CNTNAP2: variants seen among roughly 807,000 people sequenced by gnomAD.
CNTNAP2 encodes the protein contactin-associated protein-like 2.
In CNTNAP2, 98 loss-of-function variants were observed where a neutral mutation model predicts 155.2. The ratio of observed to expected loss-of-function variants is 0.63; its 90% CI spans 0.54 to 0.75. The LOEUF (loss-of-function observed/expected upper bound fraction) is 0.75, where lower values mean the gene tolerates loss of function less well. Ranked by LOEUF, CNTNAP2 falls within the 30% of genes least tolerant of loss-of-function variation. CNTNAP2 has a pLI of 0.00. For synonymous variants in CNTNAP2, 651 were observed against 631.2 expected (o/e 1.03, Z -0.47); for missense variants, 1,727 against 1,688.1 (o/e 1.02, Z -0.40).
rs74826769 is a variant in CNTNAP2, at chr7:146,870,093, A to C, written c.402+30189A>C. 9.7e-3 allele frequency among the ~76,000 whole-genome samples: 1,483 copies of C among 152,224 alleles called. 22 individuals carry two copies. The highest frequency in any genetic ancestry group is 0.034 in the African/African-American group (1,405 of 41,526). ...GTTTTGGTATCAAGATGCTGGCCTC[A>C]TAGAATGAGTTGGGGAGGAGTTCTC... is the stretch of plus-strand genomic sequence containing the variant. On this transcript the variant is annotated intron_variant, in intron 3 of 23. Transcript: ENST00000361727.
chr7:147,586,547 G>GGAAGGAAGAAAGGA (rs1563009757), intron 12 of CNTNAP2, among the ~76,000 whole-genome samples: 1 of 21,304 alleles, frequency 4.7e-5, no homozygotes, highest in African/African-American at 2.4e-4. Flanking sequence ...GGAAGGAAGG[G>GGAAGGAAGAAAGGA]AGGGAGGGAG....
At chr7:147,539,353 A>G (rs1310894975) in intron 11 of CNTNAP2, among the ~76,000 whole-genome samples, 1 of 152,138 alleles carries the variant, frequency 6.6e-6, no homozygotes, top group Non-Finnish European at 1.5e-5. Flanking sequence ...TCTACAGATA[A>G]TGGAACTGGG....
At chr7:147,435,696 C>T (rs1336614149) in intron 10 of CNTNAP2, among the ~76,000 whole-genome samples, 2 of 152,142 alleles carry the variant, frequency 1.3e-5, no homozygotes. Context: ...GGGTGTGGTG[C>T]CGAGCTCCTT....
In CNTNAP2 at chr7:146,721,875, G is replaced by A. The variant is rs1379322314; in HGVS notation, c.98-52396G>A. On this transcript the variant is annotated intron_variant, in intron 1 of 23. Coordinates refer to ENST00000361727, the MANE Select transcript of CNTNAP2 (RefSeq NM_014141.6). The stretch of plus-strand genomic sequence containing the variant: ...TACATTTATATGTGTGTGTGTGTGT[G>A]TATATATATATATATTTTTTTTTTT... Among the ~76,000 whole-genome samples the A allele has an allele frequency of 1.0e-3, 80 of 76,618 alleles. 3 individuals carry two copies. The highest frequency in any genetic ancestry group is 8.6e-3 in the African/African-American group (47 of 5,444). The allele number at this position is 76,618 out of a possible 152,430, so 50.3% of individuals were successfully genotyped here. A position where few individuals can be genotyped will look rare whatever the true frequency, so the allele number is the denominator to read the frequency against.
chr7:147,876,834 C>T (rs1462681244), intron 13 of CNTNAP2, among the ~76,000 whole-genome samples: 2 of 152,052 alleles, frequency 1.3e-5, no homozygotes, highest in Non-Finnish European at 2.9e-5. Flanking sequence ...GGTCTGTGGG[C>T]TTGCAAGAAC....
At chr7:146,603,459 G>C (rs1798985660) in intron 1 of CNTNAP2, among the ~76,000 whole-genome samples, 1 of 150,120 alleles carries the variant, frequency 6.7e-6, no homozygotes, top group Non-Finnish European at 1.5e-5. Flanking sequence ...CATGCTCATG[G>C]GTAGGAAGAA....
chr7:148,187,920 C>T (rs1437934103), intron 18 of CNTNAP2, among the ~76,000 whole-genome samples: 5 of 152,024 alleles, frequency 3.3e-5, no homozygotes, highest in South Asian at 2.1e-4. Flanking sequence ...GAATAAAAAG[C>T]TGCCCTGCCC....
chr7:148,002,475 G>A (rs1563163668), intron 15 of CNTNAP2, among the ~76,000 whole-genome samples: 1 of 152,058 alleles, frequency 6.6e-6, no homozygotes, highest in African/African-American at 2.4e-5. Flanking sequence ...GAAACCCTCT[G>A]AAGGCTATAT....
intron 18 of CNTNAP2, among the ~76,000 whole-genome samples, chr7:148,212,716 T>C (rs1795570817): frequency 6.6e-6 from 1 of 152,210 alleles, no homozygotes; most frequent in Non-Finnish European, 1.5e-5. Flanking sequence ...TTGCTTTCTT[T>C]TAGAATATCT....
chr7:146,481,191 T>G (rs1290117591), intron 1 of CNTNAP2, among the ~76,000 whole-genome samples: 2 of 152,298 alleles, frequency 1.3e-5, no homozygotes, highest in East Asian at 3.9e-4. Flanking sequence ...TTGGTATATC[T>G]CCCAATATTC....
At chr7:147,925,124 G>C (rs1277852526) in intron 14 of CNTNAP2, among the ~76,000 whole-genome samples, 1 of 77,972 alleles carries the variant, frequency 1.3e-5, no homozygotes, top group East Asian at 5.0e-4. Flanking sequence ...ATCAGAAAGA[G>C]AGAAAGAGAG....
intron 1 of CNTNAP2, among the ~76,000 whole-genome samples, chr7:146,123,458 G>A (rs1797591589): frequency 6.6e-6 from 1 of 152,088 alleles, no homozygotes; most frequent in Non-Finnish European, 1.5e-5. Context: ...GGCAATAGAG[G>A]TGTGACTGGC....
intron 11 of CNTNAP2, among the ~76,000 whole-genome samples, chr7:147,494,947 G>A (rs990220851): frequency 6.6e-6 from 1 of 152,110 alleles, no homozygotes; most frequent in Non-Finnish European, 1.5e-5. Flanking sequence ...TTGGTGTACA[G>A]GATTATCTTT....
chr7:147,722,519 C>T (rs1401921257), intron 13 of CNTNAP2, among the ~76,000 whole-genome samples: 3 of 152,040 alleles, frequency 2.0e-5, no homozygotes, highest in Admixed American at 6.6e-5. Context: ...CCTAATTTTG[C>T]CAACAAGCAT....
intron 17 of CNTNAP2, among the ~76,000 whole-genome samples, chr7:148,150,520 C>A (rs1322592829): frequency 2.0e-5 from 3 of 151,498 alleles, no homozygotes; most frequent in East Asian, 2.0e-4. Flanking sequence ...TGTACTCCAG[C>A]GTGGGAGATA....
At chr7:147,946,624 C>T (rs1357907367) in intron 14 of CNTNAP2, among the ~76,000 whole-genome samples, 2 of 151,902 alleles carry the variant, frequency 1.3e-5, no homozygotes, top group African/African-American at 2.4e-5. Flanking sequence ...CTCACATGAG[C>T]GATTTGCATT....
intron 1 of CNTNAP2, among the ~76,000 whole-genome samples, chr7:146,748,052 G>C (rs1801838400): frequency 6.6e-6 from 1 of 150,762 alleles, no homozygotes; most frequent in African/African-American, 2.4e-5. Context: ...ATCAGGAAAT[G>C]ATCAACCTGA....
chr7:148,157,318 A>T (rs953835789), intron 17 of CNTNAP2, among the ~76,000 whole-genome samples: 1 of 152,162 alleles, frequency 6.6e-6, no homozygotes, highest in Non-Finnish European at 1.5e-5. Context: ...GGGTCCAATA[A>T]CAACTGGTCA....
At chr7:148,153,244 A>AAAAG (rs1805338377) in intron 17 of CNTNAP2, among the ~76,000 whole-genome samples, 1 of 151,556 alleles carries the variant, frequency 6.6e-6, no homozygotes, top group African/African-American at 2.4e-5. Flanking sequence ...GTAACCGAAA[A>AAAAG]AAAAAAAAAC....
Sources: allele counts gnomAD v4.1 joint callset (sites outside exome capture counted in the v4.1 genomes callset), GRCh38; gene constraint gnomAD v4.1.1; transcripts MANE v1.5; gene names NCBI Gene and HGNC (gene_info 2026-07-23, HGNC 2026-07-21).